The following ZNF469 variants were observed in gnomAD, a reference collection of about 807,000 sequenced individuals.
The protein encoded by ZNF469 is zinc finger protein 469.
ZNF469 carries 1 observed loss-of-function variant against 1.0 expected under a neutral mutation model. The ratio of observed to expected loss-of-function variants is 1.00; its 90% CI spans 0.35 to 4.73. The LOEUF is 4.73. ZNF469 is among the 30% of genes most tolerant of loss of function. The pLI is 0.16. For missense variants in ZNF469, 6,100 were observed against 5,356.3 expected, an observed-to-expected ratio of 1.14 and a Z score of -4.33; for synonymous variants, 2,703 against 2,363.4, an observed-to-expected ratio of 1.14 and a Z score of -4.17.
the ZNF469 span, among the ~76,000 whole-genome samples, chr16:88,374,268 C>T: frequency 1.3e-5 from 2 of 152,124 alleles, no homozygotes; most frequent in South Asian, 4.1e-4. Flanking sequence ...AAGGAGGCAG[C>T]ATAGAGGAGG....
chr16:88,376,050 C>A, the ZNF469 span, among the ~76,000 whole-genome samples: 2 of 152,254 alleles, frequency 1.3e-5, no homozygotes, highest in Non-Finnish European at 2.9e-5. Flanking sequence ...CCCGCGTACA[C>A]TGAGGGCATT....
At chr16:88,107,682 G>A in the ZNF469 span, among the ~76,000 whole-genome samples, 1 of 152,234 alleles carries the variant, frequency 6.6e-6, no homozygotes, top group Admixed American at 6.5e-5. Flanking sequence ...AGAGGCAGAG[G>A]AAGATTCGGC....
chr16:88,117,799 TG>T, the ZNF469 span, among the ~76,000 whole-genome samples: 3 of 152,208 alleles, frequency 2.0e-5, no homozygotes, highest in Non-Finnish European at 4.4e-5. Context: ...GAGGTGGACC[TG>T]TCGGAGTGAC....
the ZNF469 span, among the ~76,000 whole-genome samples, chr16:88,259,390 C>G: frequency 2.6e-5 from 4 of 152,322 alleles, no homozygotes; most frequent in East Asian, 1.9e-4. This position sits in a 1 kb window ranked among gnomAD's most constrained non-coding sequence, Gnocchi z 4.1. Flanking sequence ...ACAAAACCGC[C>G]GTTGTTTCCA....
chr16:88,438,553 T>C lies in ZNF469; in HGVS notation c.11083T>C (p.Phe3695Leu). 1 of 1,550,072 alleles carries C rather than the reference T, an allele frequency of 6.5e-7. No individual in the cohort carries two copies. The stretch of plus-strand genomic sequence containing the variant: ...ATCCACCCCCAGCAAAGCACTCAAG[T>C]TCCCAGTGCACCCAAGGAAGGCGGT... ...AASTPSKALK[F>L]PVHPRKAVGS... Residue 3695 changes from phenylalanine to leucine, a missense_variant, in exon 3 of 3, where the codon TTC (phenylalanine) becomes CTC (leucine). Coordinates refer to ENST00000565624, the MANE Select transcript of ZNF469 (RefSeq NM_001367624.2).
chr16:88,143,180 G>A, the ZNF469 span, among the ~76,000 whole-genome samples: 1 of 152,206 alleles, frequency 6.6e-6, no homozygotes, highest in East Asian at 1.9e-4. Context: ...CCCACCTGGA[G>A]CTTCTTCAGT....
the ZNF469 span, among the ~76,000 whole-genome samples, chr16:88,169,702 G>A: frequency 1.3e-3 from 201 of 152,344 alleles, 4 homozygotes; most frequent in African/African-American, 4.4e-3. This position sits in a 1 kb window ranked among gnomAD's most constrained non-coding sequence, Gnocchi z 6.1. Context: ...TACATTGGCC[G>A]TCTGCCCCTC....
the ZNF469 span, among the ~76,000 whole-genome samples, chr16:88,104,291 C>T: frequency 6.6e-6 from 1 of 151,262 alleles, no homozygotes. Context: ...TTGAGATACG[C>T]TTCACATACC....
chr16:88,198,146 A>G, the ZNF469 span, among the ~76,000 whole-genome samples: 2 of 152,278 alleles, frequency 1.3e-5, no homozygotes, highest in African/African-American at 2.4e-5. Context: ...GGCTGAGGAC[A>G]GAGCCCTTTC....
chr16:88,267,216 C>G, the ZNF469 span, among the ~76,000 whole-genome samples: 1 of 152,232 alleles, frequency 6.6e-6, no homozygotes, highest in Non-Finnish European at 1.5e-5. Flanking sequence ...TTATACCTTG[C>G]TGCCGAGGGC....
the ZNF469 span, among the ~76,000 whole-genome samples, chr16:88,356,809 C>G: frequency 1.1e-3 from 171 of 152,336 alleles, 1 homozygote; most frequent in Non-Finnish European, 1.8e-3. Flanking sequence ...TGGAAGCTCC[C>G]CGGGGCAGGA....
the ZNF469 span, among the ~76,000 whole-genome samples, chr16:88,204,960 C>T: frequency 6.6e-6 from 1 of 152,272 alleles, no homozygotes; most frequent in African/African-American, 2.4e-5. Flanking sequence ...CATAGAAACC[C>T]AAGTGTGCGC....
At chr16:88,345,560 G>A in the ZNF469 span, among the ~76,000 whole-genome samples, 3 of 151,970 alleles carry the variant, frequency 2.0e-5, no homozygotes, top group Admixed American at 6.5e-5. Context: ...TCTGTAAGAC[G>A]AGAGGCCTCT....
the ZNF469 span, among the ~76,000 whole-genome samples, chr16:88,370,351 C>T: frequency 6.6e-6 from 1 of 152,124 alleles, no homozygotes; most frequent in East Asian, 1.9e-4. Context: ...GGGCGGGCTC[C>T]ACCTCATGGT....
the ZNF469 span, among the ~76,000 whole-genome samples, chr16:88,139,181 T>A: frequency 6.7e-6 from 1 of 148,388 alleles, no homozygotes; most frequent in African/African-American, 2.4e-5. Flanking sequence ...GCATCCCACA[T>A]GCTGGAAGCT....
At chr16:88,383,700 G>C (rs1342260809) in intron 1 of ZNF469, among the ~76,000 whole-genome samples, 3 of 151,298 alleles carry the variant, frequency 2.0e-5, no homozygotes, top group Non-Finnish European at 4.4e-5. Context: ...CCGTGCCGCC[G>C]CCTCCTCCGG....
intron 1 of ZNF469, among the ~76,000 whole-genome samples, chr16:88,391,909 C>T (rs896869244): frequency 6.6e-6 from 1 of 152,124 alleles, no homozygotes; most frequent in African/African-American, 2.4e-5. Context: ...TGATATACAA[C>T]ATAATGTAAT....
the ZNF469 span, among the ~76,000 whole-genome samples, chr16:88,199,895 G>A: frequency 3.9e-5 from 6 of 152,230 alleles, no homozygotes; most frequent in African/African-American, 1.4e-4. Context: ...TCTTGGTGGA[G>A]ACTCCAAAGG....
the ZNF469 span, among the ~76,000 whole-genome samples, chr16:88,157,379 C>G: frequency 6.6e-6 from 1 of 152,224 alleles, no homozygotes; most frequent in South Asian, 2.1e-4. Flanking sequence ...GAGCCTCTCT[C>G]CTACTCCAGG....
Sources: allele counts gnomAD v4.1 joint callset (sites outside exome capture counted in the v4.1 genomes callset), GRCh38; gene constraint gnomAD v4.1.1; non-coding constraint Gnocchi (gnomAD v3.1); transcripts MANE v1.5; gene names NCBI Gene and HGNC (gene_info 2026-07-23, HGNC 2026-07-21).